HERC2: variants seen among roughly 807,000 people sequenced by gnomAD.
HERC2 encodes E3 ubiquitin-protein ligase HERC2.
HERC2 carries 102 observed loss-of-function variants against 537.7 expected under a neutral mutation model. That is an observed-to-expected ratio of 0.19 (90% confidence interval 0.16 to 0.22). The LOEUF is 0.22. Among genes scored for constraint, HERC2 ranks in the 10% least tolerant of loss-of-function variants. The pLI is 1.00. For missense variants in HERC2, 4,236 were observed against 6,198.2 expected (o/e 0.68, Z 10.63); for synonymous variants, 2,224 against 2,466.2 (o/e 0.90, Z 2.91).
At chr15:28,188,023 A>C (rs113703140) in intron 55 of HERC2, among the ~76,000 whole-genome samples, 6 of 152,348 alleles carry the variant, frequency 3.9e-5, no homozygotes, top group African/African-American at 1.4e-4. Context: ...TTTCAGAGGA[A>C]ATACAGCTTG....
Position 28,270,563 on chromosome 15 carries a change from G to A in HERC2, c.1257+132C>T, listed in dbSNP as rs182719428. ...ACGGATAACACCTTCAACTGCAAAC[G>A]CGTTTAAAAACCACAGGCCAGCTCC... On this transcript the variant is annotated intron_variant, in intron 10 of 92. Coordinates refer to ENST00000261609, the MANE Select transcript of HERC2 (RefSeq NM_004667.6). The A allele has an allele frequency of 8.0e-4, 664 of 828,264 alleles. 1 individual carries two copies. In the African/African-American group the frequency reaches 9.7e-3, roughly 12 times the overall value. 51.3% of individuals were successfully genotyped at this position (828,264 alleles called of 1,614,324 possible).
At chr15:28,116,495 G>C (rs566729506) in intron 88 of HERC2, among the ~76,000 whole-genome samples, 170 bp downstream of exon 88, 1 of 152,238 alleles carries the variant, frequency 6.6e-6, no homozygotes, top group African/African-American at 2.4e-5. Context: ...AGGGTTATAG[G>C]CGTGAGCCAC....
intron 83 of HERC2, among the ~76,000 whole-genome samples, chr15:28,129,171 A>G (rs1272229706): frequency 6.6e-6 from 1 of 152,188 alleles, no homozygotes. Flanking sequence ...ATTCTCCAGC[A>G]TGACTTACAA....
In HERC2 at chr15:28,256,320, G is replaced by A; in HGVS notation, c.2518-3C>T. 6.3e-7 allele frequency: 1 copy of A among 1,578,512 alleles called. No homozygotes were observed. Among genetic ancestry groups the A allele is most frequent in the Non-Finnish European group, 8.6e-7 (1 of 1,169,204 alleles). ...TGGTGACTAATGGCAGCATGCAACT[G>A]AAAGGAGAAAAACAATTTTCACTTA... On this transcript the variant is annotated splice_region_variant and splice_polypyrimidine_tract_variant and intron_variant, in intron 17 of 92. Coordinates refer to ENST00000261609, the MANE Select transcript of HERC2 (RefSeq NM_004667.6).
chr15:28,181,929 C>T (rs935630664), intron 57 of HERC2, among the ~76,000 whole-genome samples: 11 of 152,180 alleles, frequency 7.2e-5, no homozygotes, highest in Non-Finnish European at 1.0e-4. Flanking sequence ...AGTGTGTATG[C>T]GCACACATGT....
At chr15:28,254,975 C>T (rs2075209040) in intron 19 of HERC2, among the ~76,000 whole-genome samples, 1 of 152,158 alleles carries the variant, frequency 6.6e-6, no homozygotes, top group African/African-American at 2.4e-5. Flanking sequence ...AAGTGTTTAC[C>T]CAAAAGGAGA....
intron 15 of HERC2, among the ~76,000 whole-genome samples, chr15:28,262,056 G>A (rs2075429060): frequency 1.3e-5 from 2 of 152,120 alleles, no homozygotes; most frequent in African/African-American, 4.8e-5. Flanking sequence ...GAAAAAGGCT[G>A]CCCACCCCTG....
chr15:28,253,419 T>G (rs2075147133), intron 20 of HERC2, among the ~76,000 whole-genome samples: 1 of 152,256 alleles, frequency 6.6e-6, no homozygotes, highest in Non-Finnish European at 1.5e-5. Flanking sequence ...TTCATTTGCA[T>G]CCACCTGCTT....
intron 57 of HERC2, among the ~76,000 whole-genome samples, chr15:28,181,016 T>C (rs1291040146): frequency 2.0e-5 from 3 of 152,148 alleles, no homozygotes; most frequent in Non-Finnish European, 2.9e-5. Flanking sequence ...AATGTAAAGA[T>C]AAAAACACAC....
intron 76 of HERC2, 108 bp from the exon 77 acceptor site, chr15:28,141,954 G>A: frequency 2.3e-6 from 2 of 874,840 alleles, no homozygotes; most frequent in Admixed American, 2.1e-5. Flanking sequence ...TGAGGGAAGA[G>A]CAACATTGCA....
Position 28,238,168 on chromosome 15 carries a change from C to T in HERC2, c.3798G>A (p.Gln1266=), listed in dbSNP as rs143130515. 1,165 of 1,611,956 alleles carry T rather than the reference C, an allele frequency of 7.2e-4. 11 individuals are homozygous for T. In the African/African-American group the frequency reaches 0.014, roughly 19 times the overall value. ...GCATGGATTCCCGGGTGTCTTCAAA[C>T]TGCAAAGCAGCTTCCAAAGCTACCA... is the stretch of plus-strand genomic sequence containing the variant. ...DPVVALEAAL[Q]FEDTRESMHA... is the part of the protein sequence containing the mutation. Residue 1266 remains glutamine, a synonymous_variant, in exon 25 of 93, where the codon CAG becomes CAA. Coordinates refer to ENST00000261609, the MANE Select transcript of HERC2 (RefSeq NM_004667.6).
chr15:28,229,051 G>C, intron 34 of HERC2, 144 bp downstream of exon 34: 1 of 795,562 alleles, frequency 1.3e-6, no homozygotes, highest in Non-Finnish European at 2.1e-6. Flanking sequence ...ATCTGAGAAA[G>C]CTGACAGCAG....
chr15:28,117,879 G>A (rs999562917), intron 86 of HERC2: 21 of 305,942 alleles, frequency 6.9e-5, no homozygotes, highest in African/African-American at 4.6e-4. Flanking sequence ...CGGAGGGCAG[G>A]TGGCCGAGGC....
chr15:28,135,448 G>A, intron 79 of HERC2, 30 bp downstream of exon 79: 1 of 1,540,294 alleles, frequency 6.5e-7, no homozygotes, highest in South Asian at 1.1e-5. Context: ...AAGACAAATA[G>A]AATGTTGAAA....
Position 28,178,926 on chromosome 15 carries a change from G to C in HERC2, c.9124C>G (p.Leu3042Val). The change falls in exon 59 of 93, where the codon CTC becomes GTC. Residue 3042 changes from leucine to valine, a missense_variant. Transcript: ENST00000261609. Reference protein sequence around the residue: ...TVPIPRQITALSSYVVKKVAV... With the variant: ...TVPIPRQITAVSSYVVKKVAV... ...ACCTTCTTGACCACGTAGCTGCTGAGAGCTGTGATCTGCCGTGGGATGGGC... is the reference window on the plus strand; with the variant it reads ...ACCTTCTTGACCACGTAGCTGCTGACAGCTGTGATCTGCCGTGGGATGGGC... The C allele has an allele frequency of 6.2e-7, 1 of 1,614,154 alleles. No individual in the cohort carries two copies. Among genetic ancestry groups the C allele is most frequent in the African/African-American group, 1.3e-5 (1 of 75,050 alleles).
intron 5 of HERC2, 97 bp from the exon 6 acceptor site, chr15:28,275,102 G>T: frequency 3.2e-6 from 2 of 634,378 alleles, no homozygotes; most frequent in Non-Finnish European, 2.7e-6. Context: ...ACCAAAATCC[G>T]ACCAATGGTT....
chr15:28,195,528 G>T (rs1157764647), intron 52 of HERC2, among the ~76,000 whole-genome samples: 1 of 152,196 alleles, frequency 6.6e-6, no homozygotes, highest in Admixed American at 6.5e-5. Flanking sequence ...ATGACGTTCT[G>T]ACACATGCTA....
chr15:28,191,839 A>T, intron 53 of HERC2, 122 bp downstream of exon 53: 1 of 684,900 alleles, frequency 1.5e-6, no homozygotes, highest in Non-Finnish European at 2.4e-6. Flanking sequence ...TTAAAACATA[A>T]CGTGAGTACT....
intron 63 of HERC2, 68 bp from the exon 64 acceptor site, chr15:28,175,724 C>T: frequency 1.3e-6 from 2 of 1,491,068 alleles, no homozygotes; most frequent in Non-Finnish European, 9.3e-7. Flanking sequence ...CAAGAAGACA[C>T]TCATTGTCTC....
Sources: allele counts gnomAD v4.1 joint callset (sites outside exome capture counted in the v4.1 genomes callset), GRCh38; gene constraint gnomAD v4.1.1; transcripts MANE v1.5; gene names NCBI Gene and HGNC (gene_info 2026-07-23, HGNC 2026-07-21).